MYBL1: variants seen among roughly 807,000 people sequenced by gnomAD.
MYBL1 encodes the protein MYB proto-oncogene like 1.
A neutral mutation model predicts 96.3 loss-of-function variants in MYBL1; 17 were observed. That is an observed-to-expected ratio of 0.18 (90% CI 0.12 to 0.26). MYBL1 has a LOEUF of 0.26. Among genes scored for constraint, MYBL1 ranks in the 10% least tolerant of loss-of-function variants. The probability of loss-of-function intolerance (pLI) is 1.00; values close to 1 mark genes in which losing one functional copy is unlikely to be tolerated. For synonymous variants in MYBL1, 282 were observed against 292.7 expected (o/e 0.96, Z 0.37); for missense variants, 701 against 882.9 (o/e 0.79, Z 2.61).
At chr8:66,576,828 C>G (rs1808971934) in intron 9 of MYBL1, among the ~76,000 whole-genome samples, 1 of 152,090 alleles carries the variant, frequency 6.6e-6, no homozygotes, top group Non-Finnish European at 1.5e-5. Flanking sequence ...TTGCACAAAG[C>G]TTTATATGTT....
At chr8:66,565,981 A>AT in intron 15 of MYBL1, 83 bp downstream of exon 15, 1 of 936,358 alleles carries the variant, frequency 1.1e-6, no homozygotes, top group Non-Finnish European at 1.6e-6. Context: ...TAAAAGAAAA[A>AT]GTATAATTTG....
intron 12 of MYBL1, among the ~76,000 whole-genome samples, chr8:66,571,239 A>G (rs890280018): frequency 5.9e-5 from 9 of 152,222 alleles, no homozygotes; most frequent in Admixed American, 2.0e-4. Flanking sequence ...ATATGAAAGC[A>G]CAGTAACTAG....
At chr8:66,573,162 C>T (rs907739493) in intron 11 of MYBL1, among the ~76,000 whole-genome samples, 5 of 150,954 alleles carry the variant, frequency 3.3e-5, no homozygotes, top group African/African-American at 1.2e-4. Context: ...TGCAGTGAGC[C>T]GAGATCTCAC....
intron 6 of MYBL1, among the ~76,000 whole-genome samples, chr8:66,594,183 T>G (rs781180782): frequency 4.6e-5 from 7 of 151,950 alleles, no homozygotes; most frequent in Admixed American, 6.6e-5. Context: ...AATATGAAAT[T>G]GTCTGCTTTC....
chr8:66,603,394 TA>T (rs1220681314), intron 1 of MYBL1, among the ~76,000 whole-genome samples: 22 of 150,036 alleles, frequency 1.5e-4, no homozygotes, highest in Admixed American at 1.3e-3. Context: ...ATACCAACAA[TA>T]AAAAAAATTT....
chr8:66,580,243 A>G lies in MYBL1; in HGVS notation c.991T>C (p.Ser331Pro), dbSNP rs542316132. 2.0e-5 allele frequency: 32 copies of G among 1,613,942 alleles called. No homozygotes were observed. The highest frequency in any genetic ancestry group is 2.7e-5 in the Non-Finnish European group (32 of 1,179,842). The change falls in exon 9 of 16, where the codon TCT becomes CCT. Residue 331 changes from serine (S) to proline (P), a missense_variant. Physicochemically the swap from Ser to Pro is moderately conservative, Grantham distance 74 (BLOSUM62 -1). Transcript: ENST00000522677. The stretch of plus-strand genomic sequence containing the variant: ...TTTGTGGGTGAATTCTGCTGAGCAG[A>G]CACAGGCTGATTTTCATCCATACTG... ...FYSMDENQPV[S>P]AQQNSPTKFL... is the part of the protein sequence containing the mutation.
chr8:66,606,944 T>C (rs978193111), intron 1 of MYBL1, among the ~76,000 whole-genome samples: 1 of 152,078 alleles, frequency 6.6e-6, no homozygotes, highest in African/African-American at 2.4e-5. Context: ...GCGTCTGCCA[T>C]CATGCCTGGC....
intron 1 of MYBL1, among the ~76,000 whole-genome samples, chr8:66,605,774 C>A (rs1166099684): frequency 3.9e-5 from 6 of 152,158 alleles, no homozygotes; most frequent in Admixed American, 6.5e-5. Flanking sequence ...CGAGATTGCA[C>A]CATTGCACTC....
At chr8:66,605,596 G>A (rs557468565) in intron 1 of MYBL1, among the ~76,000 whole-genome samples, 12 of 152,254 alleles carry the variant, frequency 7.9e-5, no homozygotes, top group South Asian at 6.2e-4. Flanking sequence ...TGAGGCAGGC[G>A]GATCACCTGA....
chr8:66,566,039 A>G (rs1808489670), intron 15 of MYBL1, 25 bp downstream of exon 15: 2 of 1,436,342 alleles, frequency 1.4e-6, no homozygotes, highest in Non-Finnish European at 1.9e-6. Flanking sequence ...AACAAAAATC[A>G]CTAAAGAAAT....
intron 9 of MYBL1, among the ~76,000 whole-genome samples, chr8:66,577,479 T>C (rs1454241539): frequency 6.6e-6 from 1 of 151,844 alleles, no homozygotes; most frequent in Non-Finnish European, 1.5e-5. Context: ...CCATTCACAA[T>C]TGCTTCAAAG....
chr8:66,607,246 T>C (rs1810355080), intron 1 of MYBL1, among the ~76,000 whole-genome samples: 1 of 152,176 alleles, frequency 6.6e-6, no homozygotes, highest in Admixed American at 6.5e-5. Flanking sequence ...AAGTTCGACA[T>C]GCTTCAGGGT....
Position 66,578,643 on chromosome 8 carries a change from C to T in MYBL1, c.1101+1490G>A, listed in dbSNP as rs376755999. On this transcript the variant is annotated intron_variant, in intron 9 of 15. Coordinates refer to ENST00000522677, the MANE Select transcript of MYBL1 (RefSeq NM_001080416.4). ...TTTACACTGTTGGTGGGACTGTAAA[C>T]TAGTTCAACTATTGCGGAAGTCAGT... Among the ~76,000 whole-genome samples, 3 of 152,156 alleles carry T rather than the reference C, an allele frequency of 2.0e-5. No homozygotes were observed. The South Asian group carries it at 6.2e-4, about 32-fold the overall frequency.
intron 15 of MYBL1, 140 bp from the exon 16 acceptor site, chr8:66,564,965 G>A (rs922432383): frequency 1.3e-5 from 6 of 469,292 alleles, no homozygotes; most frequent in Admixed American, 8.4e-5. Context: ...CAATGGCACT[G>A]TATTTTTTTA....
intron 8 of MYBL1, among the ~76,000 whole-genome samples, chr8:66,588,261 A>C (rs1232306194): frequency 6.8e-6 from 1 of 147,880 alleles, no homozygotes; most frequent in African/African-American, 2.5e-5. Flanking sequence ...AATCAGACAG[A>C]CCTAAATGTG....
At chr8:66,605,089 T>C (rs1310886181) in intron 1 of MYBL1, among the ~76,000 whole-genome samples, 1 of 152,256 alleles carries the variant, frequency 6.6e-6, no homozygotes, top group African/African-American at 2.4e-5. Flanking sequence ...ATAGTCAATA[T>C]TCCTTAGCTT....
rs567139522 is a variant in MYBL1 at position 66,605,169 on chromosome 8, AT to A, written c.21-2647del. On this transcript the variant is annotated intron_variant, in intron 1 of 15. Transcript: ENST00000522677. Reference sequence around the variant, plus strand: ...AAAGTATAAATGAAATGTTTTACATATTTTTTTCTTACTAAAGTCTTCAAAA... The same window carrying A: ...AAAGTATAAATGAAATGTTTTACATATTTTTTCTTACTAAAGTCTTCAAAA... Among the ~76,000 whole-genome samples the A allele has an allele frequency of 2.1e-3, 316 of 152,258 alleles. 4 individuals are homozygous for A. Among genetic ancestry groups the A allele is most frequent in the Non-Finnish European group, 3.2e-4 (22 of 68,006 alleles).
At chr8:66,575,529 G>A (rs1247177406) in intron 10 of MYBL1, among the ~76,000 whole-genome samples, 4 of 152,270 alleles carry the variant, frequency 2.6e-5, no homozygotes, top group South Asian at 2.1e-4. Context: ...AGTGGCTCAC[G>A]CCTGTAATCC....
At chr8:66,593,059 T>G in intron 7 of MYBL1, 61 bp downstream of exon 7, 2 of 1,062,226 alleles carry the variant, frequency 1.9e-6, no homozygotes, top group East Asian at 5.2e-5. Flanking sequence ...TAGATACTAT[T>G]AGGCTTTTAA....
Sources: gnomAD v4.1 joint callset for allele counts (sites outside exome capture counted in the v4.1 genomes callset) on GRCh38, gnomAD v4.1.1 for gene constraint, MANE v1.5 for transcripts, NCBI Gene and HGNC (gene_info 2026-07-23, HGNC 2026-07-21) for gene names.